The following PRKG1 variants were observed in gnomAD, a reference collection of about 807,000 sequenced individuals.
PRKG1 encodes the protein cGMP-dependent protein kinase 1.
Under a neutral mutation model 88.1 loss-of-function variants are expected in PRKG1, and 35 were observed. That is an observed-to-expected ratio of 0.40 (90% confidence interval 0.30 to 0.53). The LOEUF (loss-of-function observed/expected upper bound fraction) is 0.53. PRKG1 is among the 20% of genes least tolerant of loss of function. The pLI is 0.59. For synonymous variants in PRKG1, 303 were observed against 292.5 expected (o/e 1.04, Z -0.37); for missense variants, 540 against 839.8 (o/e 0.64, Z 4.41).
chr10:52,246,350 G>A (rs1049119845), intron 9 of PRKG1, among the ~76,000 whole-genome samples: 8 of 152,094 alleles, frequency 5.3e-5, no homozygotes, highest in Admixed American at 2.0e-4. Context: ...GTGCAGATAC[G>A]TGATTTTAGA....
In PRKG1 at chr10:51,677,991, A is replaced by T. The variant is rs185639127; in HGVS notation, c.593-126594A>T. Among the ~76,000 whole-genome samples, 38 of 152,170 alleles carry T rather than the reference A, an allele frequency of 2.5e-4. No individual in the cohort carries two copies. In the East Asian group the frequency reaches 7.2e-3, roughly 29 times the overall value. Reference sequence around the variant, plus strand: ...GACAAATGTTATATTCTTCCTTGTGAGTTGAGTAAAGGAGAAAAAAAGAGA... The same window carrying T: ...GACAAATGTTATATTCTTCCTTGTGTGTTGAGTAAAGGAGAAAAAAAGAGA... On this transcript the variant is annotated intron_variant, in intron 3 of 17. Coordinates refer to ENST00000373980, the MANE Select transcript of PRKG1 (RefSeq NM_006258.4).
chr10:52,271,063 GA>G (rs1371708299), intron 10 of PRKG1, among the ~76,000 whole-genome samples: 1 of 151,958 alleles, frequency 6.6e-6, no homozygotes, highest in African/African-American at 2.4e-5. Flanking sequence ...TCTATGACAT[GA>G]AATAATAAAA....
At chr10:51,973,540 C>G (rs750440476) in intron 5 of PRKG1, among the ~76,000 whole-genome samples, 5 of 152,130 alleles carry the variant, frequency 3.3e-5, no homozygotes, top group Non-Finnish European at 7.4e-5. Context: ...CTGCTTTGGT[C>G]CTACTTACAT....
At chr10:51,150,734 T>G (rs1846050076) in intron 1 of PRKG1, among the ~76,000 whole-genome samples, 2 of 152,182 alleles carry the variant, frequency 1.3e-5, no homozygotes, top group South Asian at 4.1e-4. Flanking sequence ...AAATAAAATT[T>G]GAGAAACAAA....
At chr10:52,079,559 C>T (rs1490949104) in intron 7 of PRKG1, among the ~76,000 whole-genome samples, 1 of 152,070 alleles carries the variant, frequency 6.6e-6, no homozygotes, top group Non-Finnish European at 1.5e-5. Flanking sequence ...TGTGTCCTTC[C>T]TAGTAAAAGT....
chr10:51,795,800 C>G (rs1429413362), intron 3 of PRKG1, among the ~76,000 whole-genome samples: 1 of 152,082 alleles, frequency 6.6e-6, no homozygotes, highest in Non-Finnish European at 1.5e-5. Context: ...GCTAATCATA[C>G]TTTTCCATGT....
chr10:51,223,653 C>T, intron 2 of PRKG1, among the ~76,000 whole-genome samples: 1 of 152,174 alleles, frequency 6.6e-6, no homozygotes, highest in Non-Finnish European at 1.5e-5. Context: ...ATATAATTTA[C>T]TAATTTCTTC....
chr10:51,111,957 A>C (rs1453059327), intron 1 of PRKG1, among the ~76,000 whole-genome samples: 1 of 152,146 alleles, frequency 6.6e-6, no homozygotes, highest in Admixed American at 6.6e-5. Flanking sequence ...TTGCCATGCT[A>C]CTATGCACCA....
intron 10 of PRKG1, among the ~76,000 whole-genome samples, chr10:52,255,237 T>C (rs370014108): frequency 5.9e-5 from 9 of 152,222 alleles, no homozygotes; most frequent in East Asian, 1.9e-4. Context: ...TTACAAAGTA[T>C]AACTGTAAAA....
chr10:51,211,108 T>G (rs2132073069), intron 2 of PRKG1, among the ~76,000 whole-genome samples: 1 of 152,296 alleles, frequency 6.6e-6, no homozygotes, highest in African/African-American at 2.4e-5. Context: ...ATCAAAAAGC[T>G]TATCCAACAT....
intron 3 of PRKG1, among the ~76,000 whole-genome samples, chr10:51,640,452 T>G (rs1019119754): frequency 6.6e-6 from 1 of 152,190 alleles, no homozygotes; most frequent in African/African-American, 2.4e-5. Context: ...AGCTTGTACG[T>G]GCAAGAATAA....
chr10:52,184,363 C>T (rs1365846059), intron 9 of PRKG1, among the ~76,000 whole-genome samples: 2 of 152,082 alleles, frequency 1.3e-5, no homozygotes, highest in Non-Finnish European at 2.9e-5. Context: ...AGAATTAAAA[C>T]ACTCTCATCC....
chr10:52,164,330 G>A (rs1292983266), intron 9 of PRKG1, among the ~76,000 whole-genome samples: 4 of 151,538 alleles, frequency 2.6e-5, no homozygotes, highest in Non-Finnish European at 4.4e-5. Flanking sequence ...CAGCCTGGGC[G>A]ACCAGAGCAA....
intron 9 of PRKG1, among the ~76,000 whole-genome samples, chr10:52,164,319 C>A (rs905107309): frequency 6.6e-6 from 1 of 151,876 alleles, no homozygotes; most frequent in Non-Finnish European, 1.5e-5. Context: ...CCATTACCCT[C>A]CAGCCTGGGC....
chr10:52,062,692 A>G, intron 7 of PRKG1, 61 bp downstream of exon 7: 1 of 1,298,884 alleles, frequency 7.7e-7, no homozygotes, highest in Non-Finnish European at 1.1e-6. Flanking sequence ...TCTGTCTGAA[A>G]TTTTGAGCTC....
intron 4 of PRKG1, among the ~76,000 whole-genome samples, chr10:51,874,303 A>G (rs1841235681): frequency 6.6e-6 from 1 of 152,242 alleles, no homozygotes; most frequent in South Asian, 2.1e-4. Context: ...GCTCTGTTTC[A>G]TTAAAAATAC....
chr10:52,136,699 A>G (rs1837432223), intron 8 of PRKG1, among the ~76,000 whole-genome samples: 1 of 152,118 alleles, frequency 6.6e-6, no homozygotes, highest in African/African-American at 2.4e-5. Flanking sequence ...ATGATTTAAC[A>G]TAGGTAAATG....
At chr10:51,844,135 A>G (rs1275945093) in intron 4 of PRKG1, among the ~76,000 whole-genome samples, 1 of 151,976 alleles carries the variant, frequency 6.6e-6, no homozygotes, top group Admixed American at 6.6e-5. Flanking sequence ...GACAGAGGGG[A>G]AGAAGAATGA....
At chr10:51,906,231 C>T (rs748533944) in intron 4 of PRKG1, among the ~76,000 whole-genome samples, 1 of 152,100 alleles carries the variant, frequency 6.6e-6, no homozygotes, top group Admixed American at 6.6e-5. Flanking sequence ...AGCAGACTAA[C>T]AGAGGAGAGA....
Sources: gnomAD v4.1 joint callset for allele counts (sites outside exome capture counted in the v4.1 genomes callset) on GRCh38, gnomAD v4.1.1 for gene constraint, MANE v1.5 for transcripts, NCBI Gene and HGNC (gene_info 2026-07-23, HGNC 2026-07-21) for gene names.